GRAMD1B: variants seen among roughly 807,000 people sequenced by gnomAD.
The protein encoded by GRAMD1B is protein Aster-B.
GRAMD1B carries 37 observed loss-of-function variants against 99.7 expected under a neutral mutation model. That is an observed-to-expected ratio of 0.37 (90% CI 0.29 to 0.49). The LOEUF is 0.49. GRAMD1B is among the 20% of genes least tolerant of loss of function. The probability of loss-of-function intolerance (pLI) is 0.98; values close to 1 mark genes in which losing one functional copy is unlikely to be tolerated. For missense variants in GRAMD1B, 888 were observed against 1,009.2 expected (o/e 0.88, Z 1.63); for synonymous variants, 427 against 387.6 (o/e 1.10, Z -1.19).
chr11:123,618,269 G>T (rs1415362698), intron 17 of GRAMD1B: 1 of 1,230,640 alleles, frequency 8.1e-7, no homozygotes, highest in Non-Finnish European at 1.2e-6. Context: ...GATTTTCAGT[G>T]CAGGTTTCCC....
chr11:123,472,966 C>T (rs2134692782), intron 1 of GRAMD1B, among the ~76,000 whole-genome samples: 1 of 152,352 alleles, frequency 6.6e-6, no homozygotes, highest in African/African-American at 2.4e-5. Context: ...ATTTTACAGG[C>T]TGCTCTTTGT....
intron 1 of GRAMD1B, among the ~76,000 whole-genome samples, chr11:123,468,481 TATG>T (rs1466751607): frequency 6.6e-6 from 1 of 151,636 alleles, no homozygotes; most frequent in Non-Finnish European, 1.5e-5. Flanking sequence ...TCCCAAGGAG[TATG>T]ATAATTGTTA....
At chr11:123,495,678 C>CT (rs556302274) in intron 2 of GRAMD1B, among the ~76,000 whole-genome samples, 21,378 of 114,224 alleles carry the variant, frequency 0.19, 1,683 homozygotes, top group Middle Eastern at 0.29. Context: ...CTTTCTTCTT[C>CT]TTTTTTTTTT....
intron 3 of GRAMD1B, among the ~76,000 whole-genome samples, chr11:123,583,332 G>A (rs1471464609): frequency 6.8e-6 from 1 of 147,264 alleles, no homozygotes; most frequent in African/African-American, 2.7e-5. Context: ...GTGTGTGCAT[G>A]TGTGTGGTGT....
intron 1 of GRAMD1B, among the ~76,000 whole-genome samples, chr11:123,449,539 T>C (rs1020298973): frequency 1.3e-5 from 2 of 152,152 alleles, no homozygotes; most frequent in African/African-American, 4.8e-5. Flanking sequence ...CTGTTCTGGT[T>C]TTAACTGGGT....
intron 2 of GRAMD1B, among the ~76,000 whole-genome samples, chr11:123,527,139 G>A (rs1453211131): frequency 3.9e-5 from 6 of 152,272 alleles, no homozygotes; most frequent in East Asian, 3.9e-4. Flanking sequence ...CTCCCAGCAA[G>A]GATGAGTCCT....
chr11:123,619,055 G>C, intron 18 of GRAMD1B, 52 bp from the exon 19 acceptor site: 1 of 1,034,722 alleles, frequency 9.7e-7, no homozygotes. Context: ...GCCCAGGACA[G>C]TTCGCTGAGC....
intron 1 of GRAMD1B, among the ~76,000 whole-genome samples, chr11:123,450,977 C>T (rs1476627421): frequency 6.6e-6 from 1 of 152,026 alleles, no homozygotes; most frequent in Non-Finnish European, 1.5e-5. Context: ...TATTAAGCTA[C>T]CACAGAGTGC....
chr11:123,512,870 A>AT (rs1347790566), intron 2 of GRAMD1B, among the ~76,000 whole-genome samples: 1 of 151,890 alleles, frequency 6.6e-6, no homozygotes, highest in Admixed American at 6.5e-5. Context: ...ATCTCTGTAC[A>AT]TTTTTCTGGG....
In GRAMD1B at chr11:123,618,271, A is replaced by C. The variant is rs1954705664; in HGVS notation, c.2319-422A>C. 2.4e-6 allele frequency: 3 copies of C among 1,242,422 alleles called. No homozygotes were observed. The East Asian group carries it at 6.9e-5, about 29-fold the overall frequency. The allele number at this position is 1,242,422 out of a possible 1,614,324, so 77.0% of individuals were successfully genotyped here. ...TCACTCCCAGGTTGATTTTCAGTGC[A>C]GGTTTCCCCTTCCCCACACTTGCCT... On this transcript the variant is annotated intron_variant, in intron 17 of 19. Transcript: ENST00000635736.
intron 2 of GRAMD1B, among the ~76,000 whole-genome samples, chr11:123,554,862 G>C (rs1946010273): frequency 6.6e-6 from 1 of 152,170 alleles, no homozygotes; most frequent in Admixed American, 6.5e-5. Flanking sequence ...TTCTAAGAAG[G>C]CTCCCTGCAC....
chr11:123,463,958 AC>A (rs1379834110), intron 1 of GRAMD1B, among the ~76,000 whole-genome samples: 1 of 152,152 alleles, frequency 6.6e-6, no homozygotes, highest in Non-Finnish European at 1.5e-5. Flanking sequence ...GTATTCTATG[AC>A]ATTATAGGAA....
At chr11:123,481,666 G>A (rs11219166) in intron 2 of GRAMD1B, among the ~76,000 whole-genome samples, 4,957 of 152,248 alleles carry the variant, frequency 0.033, 241 homozygotes, top group African/African-American at 0.1. Flanking sequence ...AAAATATGGA[G>A]GCTCTTCAAT....
chr11:123,513,168 G>T (rs2135325146), intron 2 of GRAMD1B, among the ~76,000 whole-genome samples: 1 of 152,232 alleles, frequency 6.6e-6, no homozygotes, highest in South Asian at 2.1e-4. Context: ...TTATTTCTGA[G>T]ATACTATTCC....
intron 19 of GRAMD1B, among the ~76,000 whole-genome samples, chr11:123,621,889 TTTC>T (rs1241411937): frequency 1.7e-5 from 1 of 57,418 alleles, no homozygotes; most frequent in Non-Finnish European, 3.9e-5. Context: ...TTTTTCTTTC[TTTC>T]TTTCTTTTTC....
intron 3 of GRAMD1B, among the ~76,000 whole-genome samples, chr11:123,583,361 ATGTGTGTG>A (rs777507163): frequency 1.4e-5 from 2 of 141,032 alleles, no homozygotes; most frequent in Non-Finnish European, 3.1e-5. Flanking sequence ...GCATGTGTGT[ATGTGTGTG>A]TGCACGTGTG....
chr11:123,513,581 C>CT (rs1565315626), intron 2 of GRAMD1B, among the ~76,000 whole-genome samples: 9 of 65,904 alleles, frequency 1.4e-4, no homozygotes, highest in African/African-American at 6.2e-4. Context: ...TCCTTCCTTT[C>CT]CTTCCTTCCT....
At chr11:123,487,402 C>G (rs1019211961) in intron 2 of GRAMD1B, among the ~76,000 whole-genome samples, 1 of 152,056 alleles carries the variant, frequency 6.6e-6, no homozygotes, top group African/African-American at 2.4e-5. Flanking sequence ...AGCATGGAGG[C>G]GGGAGAAAGC....
At chr11:123,554,999 G>T (rs890609009) in intron 2 of GRAMD1B, among the ~76,000 whole-genome samples, 3 of 152,196 alleles carry the variant, frequency 2.0e-5, no homozygotes, top group African/African-American at 7.2e-5. Context: ...GCCCATTAGG[G>T]TATCAGTGAA....
Sources: allele counts gnomAD v4.1 joint callset (sites outside exome capture counted in the v4.1 genomes callset), GRCh38; gene constraint gnomAD v4.1.1; transcripts MANE v1.5; gene names NCBI Gene and HGNC (gene_info 2026-07-23, HGNC 2026-07-21).